ZFHX3: variants seen among roughly 807,000 people sequenced by gnomAD.
ZFHX3 encodes the protein zinc finger homeobox 3.
A neutral mutation model predicts 279.1 loss-of-function variants in ZFHX3; 42 were observed. That is an observed-to-expected ratio of 0.15 (90% CI 0.12 to 0.19). The LOEUF (loss-of-function observed/expected upper bound fraction) is 0.19. Ranked by LOEUF, ZFHX3 falls within the 10% of genes least tolerant of loss-of-function variation. The probability of loss-of-function intolerance (pLI) is 1.00; values close to 1 mark genes in which losing one functional copy is unlikely to be tolerated. For missense variants in ZFHX3, 4,981 were observed against 4,754.0 expected (o/e 1.05, Z -1.40); for synonymous variants, 2,293 against 1,957.8 (o/e 1.17, Z -4.52).
At chr16:72,961,444 G>A (rs1961573986) in intron 1 of ZFHX3, among the ~76,000 whole-genome samples, 2 of 152,182 alleles carry the variant, frequency 1.3e-5, no homozygotes, top group Non-Finnish European at 2.9e-5. Flanking sequence ...TGCTCCTACA[G>A]GCAGCTCAGC....
Position 73,421,398 on chromosome 16 carries a change from T to C in ZFHX3, c.-1291+34605A>G, listed in dbSNP as rs555093665. On this transcript the variant is annotated intron_variant, in intron 3 of 17. Coordinates refer to the ZFHX3 transcript ENST00000641206. Reference sequence around the variant, plus strand: ...AAGTAAAGTGTGCTTGTTCCCACATTAAGGTGTGATTTGTGAAATGTTTTG... The same window carrying C: ...AAGTAAAGTGTGCTTGTTCCCACATCAAGGTGTGATTTGTGAAATGTTTTG... The C allele has an allele frequency of 5.9e-5, 9 of 152,370 alleles. No homozygotes were observed. In the South Asian group the frequency reaches 1.9e-3, roughly 32 times the overall value. 9.4% of individuals were successfully genotyped at this position (152,370 alleles called of 1,614,324 possible).
intron 2 of ZFHX3, among the ~76,000 whole-genome samples, chr16:73,535,985 G>A (rs1040002131): frequency 2.0e-5 from 3 of 152,154 alleles, no homozygotes; most frequent in Non-Finnish European, 2.9e-5. Flanking sequence ...GCCTCCCAAA[G>A]TGCTGGGATT....
chr16:73,044,584 T>C (rs1965225434), intron 1 of ZFHX3, among the ~76,000 whole-genome samples: 1 of 144,516 alleles, frequency 6.9e-6, no homozygotes, highest in African/African-American at 2.6e-5. Context: ...ACAAGTGAGT[T>C]ACTCTTAAAA....
chr16:72,938,751 G>A (rs1447782783), intron 3 of ZFHX3, among the ~76,000 whole-genome samples: 1 of 152,190 alleles, frequency 6.6e-6, no homozygotes, highest in African/African-American at 2.4e-5. Flanking sequence ...ATTCCGAGTT[G>A]GACACAAAGA....
chr16:73,213,534 A>T (rs1030738630), intron 5 of ZFHX3, among the ~76,000 whole-genome samples: 4 of 152,154 alleles, frequency 2.6e-5, no homozygotes, highest in African/African-American at 9.7e-5. Flanking sequence ...GGGAAAGAAA[A>T]ACACGTTAAT....
At chr16:73,836,682 C>A (rs768510487) in intron 1 of ZFHX3, among the ~76,000 whole-genome samples, 3 of 152,208 alleles carry the variant, frequency 2.0e-5, no homozygotes, top group Non-Finnish European at 4.4e-5. Context: ...CTTTTCCTGC[C>A]TCTGGCATTG....
chr16:73,423,545 T>C (rs769476410), intron 3 of ZFHX3, among the ~76,000 whole-genome samples: 23 of 152,162 alleles, frequency 1.5e-4, no homozygotes, highest in Non-Finnish European at 3.1e-4. Flanking sequence ...TGAAGGATTC[T>C]GGGGAAAAGT....
chr16:73,164,528 T>G (rs988191408), intron 5 of ZFHX3, among the ~76,000 whole-genome samples: 1 of 152,100 alleles, frequency 6.6e-6, no homozygotes, highest in African/African-American at 2.4e-5. Context: ...GGGGATATCC[T>G]GTCTCCACTA....
chr16:73,347,380 T>C lies in ZFHX3; in HGVS notation c.-1290-29044A>G, dbSNP rs183167089. Among the ~76,000 whole-genome samples the C allele has an allele frequency of 5.8e-3, 889 of 152,348 alleles. 4 individuals are homozygous for C. The highest frequency in any genetic ancestry group is 8.1e-3 in the Non-Finnish European group (554 of 68,026). ...CAGCCCACAATGGTGTCCAGCTTTGTTGGGATACCCAGTCGTGGAAACACA... is the reference window on the plus strand; with the variant it reads ...CAGCCCACAATGGTGTCCAGCTTTGCTGGGATACCCAGTCGTGGAAACACA... On this transcript the variant is annotated intron_variant, in intron 3 of 17. Coordinates refer to the ZFHX3 transcript ENST00000641206.
At chr16:73,135,554 T>C (rs753120392) in intron 6 of ZFHX3, among the ~76,000 whole-genome samples, 18 of 152,214 alleles carry the variant, frequency 1.2e-4, no homozygotes, top group Non-Finnish European at 2.5e-4. Context: ...CGCTCACTTC[T>C]CTGAGAGGTT....
intron 2 of ZFHX3, among the ~76,000 whole-genome samples, chr16:73,655,514 T>C (rs953906441): frequency 1.1e-4 from 16 of 152,160 alleles, no homozygotes; most frequent in Non-Finnish European, 1.5e-4. Context: ...ATTTAAAAGA[T>C]ACTGATTACA....
chr16:73,674,133 T>C (rs1236496476), intron 2 of ZFHX3, among the ~76,000 whole-genome samples: 1 of 152,202 alleles, frequency 6.6e-6, no homozygotes, highest in African/African-American at 2.4e-5. Flanking sequence ...GTTTCTAGTA[T>C]GAAAGCAGTG....
At chr16:73,065,651 G>C (rs1008727747) in intron 8 of ZFHX3, among the ~76,000 whole-genome samples, 6 of 151,640 alleles carry the variant, frequency 4.0e-5, no homozygotes, top group Admixed American at 3.9e-4. Flanking sequence ...TTTAAAATGA[G>C]AGATTCCCAG....
At chr16:72,861,098 CCACCTGGCAGA>C (rs2037879161) in intron 4 of ZFHX3, among the ~76,000 whole-genome samples, 1 of 152,208 alleles carries the variant, frequency 6.6e-6, no homozygotes, top group African/African-American at 2.4e-5. Context: ...AACCCGCCAT[CCACCTGGCAGA>C]CACCTGTGTC....
chr16:72,848,430 G>A (rs918430455), intron 4 of ZFHX3, among the ~76,000 whole-genome samples: 6 of 152,074 alleles, frequency 3.9e-5, no homozygotes, highest in African/African-American at 1.4e-4. Flanking sequence ...GAATCCACAA[G>A]GGGTCTCTGA....
At chr16:73,196,865 G>T (rs1968159186) in intron 5 of ZFHX3, among the ~76,000 whole-genome samples, 1 of 152,134 alleles carries the variant, frequency 6.6e-6, no homozygotes, top group Admixed American at 6.5e-5. Flanking sequence ...GCACTAAGTG[G>T]CATTCCTTGG....
Position 73,334,810 on chromosome 16 carries a change from C to CTTTTTTTTTTTTTTTTTTTTTT in ZFHX3, c.-1290-16496_-1290-16475dup, listed in dbSNP as rs368597124. On this transcript the variant is annotated intron_variant, in intron 3 of 17. Transcript: ENST00000641206. Reference sequence around the variant, plus strand: ...TCTTTTCCTCCTTTTCTTTCTCATTCTTTTTTTTTTTTTTTTTTTTTTTTT... The same window carrying CTTTTTTTTTTTTTTTTTTTTTT: ...TCTTTTCCTCCTTTTCTTTCTCATTCTTTTTTTTTTTTTTTTTTTTTTTTTTTTTTTTTTTTTTTTTTTTTTT... Among the ~76,000 whole-genome samples, 39 of 57,914 alleles carry CTTTTTTTTTTTTTTTTTTTTTT rather than the reference C, an allele frequency of 6.7e-4. 5 individuals carry two copies. The highest frequency in any genetic ancestry group is 3.1e-3 in the Admixed American group (12 of 3,834). The allele number at this position is 57,914 out of a possible 152,430, so 38.0% of individuals were successfully genotyped here.
rs570597472 is a variant in ZFHX3 at position 73,100,010 on chromosome 16, GCCCA to G, written c.-896-6416_-896-6413del. On this transcript the variant is annotated intron_variant, in intron 7 of 17. Coordinates refer to the ZFHX3 transcript ENST00000641206. ...GTTCACCATCTCACTATGGGTATCAGCCCATTACACATGAGGACAGGGTGGGGTT... is the reference window on the plus strand; with the variant it reads ...GTTCACCATCTCACTATGGGTATCAGTTACACATGAGGACAGGGTGGGGTT... 6.0e-4 allele frequency among the ~76,000 whole-genome samples: 92 copies of G among 152,242 alleles called. 2 individuals carry two copies. The South Asian group carries it at 0.018, about 31-fold the overall frequency.
Position 72,785,405 on chromosome 16 carries a change from G to GAAGT in ZFHX3, c.*1755_*1758dup, listed in dbSNP as rs1227357776. 2 of 152,572 alleles carry GAAGT rather than the reference G, an allele frequency of 1.3e-5. No individual in the cohort carries two copies. Among genetic ancestry groups the GAAGT allele is most frequent in the African/African-American group, 4.8e-5 (2 of 41,412 alleles). The allele number at this position is 152,572 out of a possible 1,614,324, so 9.5% of individuals were successfully genotyped here. A position where few individuals can be genotyped will look rare whatever the true frequency, so the allele number is the denominator to read the frequency against. On this transcript the variant is annotated 3_prime_UTR_variant, in exon 10 of 10. Transcript: ENST00000268489. ...CTGCCTAACACAAGGACAAAACTTT[G>GAAGT]AAGTAAAAAATGTGTCTTTTGGTAT...
Sources: gnomAD v4.1 joint callset for allele counts (sites outside exome capture counted in the v4.1 genomes callset) on GRCh38, gnomAD v4.1.1 for gene constraint, MANE v1.5 for transcripts, NCBI Gene and HGNC (gene_info 2026-07-23, HGNC 2026-07-21) for gene names.